LRRC4C: variants seen among roughly 807,000 people sequenced by gnomAD.
LRRC4C encodes the protein leucine-rich repeat-containing protein 4C.
A neutral mutation model predicts 33.6 loss-of-function variants in LRRC4C; 5 were observed. The ratio of observed to expected loss-of-function variants is 0.15; its 90% CI spans 0.08 to 0.31. The LOEUF is 0.31. LRRC4C is among the 10% of genes least tolerant of loss of function. The pLI is 1.00. For missense variants in LRRC4C, 560 were observed against 796.7 expected, an observed-to-expected ratio of 0.70 and a Z score of 3.58; for synonymous variants, 329 against 302.0, an observed-to-expected ratio of 1.09 and a Z score of -0.93.
chr11:40,296,971 C>T (rs553442323), intron 4 of LRRC4C, among the ~76,000 whole-genome samples: 1 of 152,124 alleles, frequency 6.6e-6, no homozygotes, highest in Non-Finnish European at 1.5e-5. Context: ...TACGGACATG[C>T]AGATTTCTAC....
At chr11:40,252,706 T>C (rs1387799383) in intron 4 of LRRC4C, among the ~76,000 whole-genome samples, 3 of 152,168 alleles carry the variant, frequency 2.0e-5, no homozygotes, top group Non-Finnish European at 2.9e-5. Context: ...CTGACTTTTA[T>C]TATACAAAGT....
At chr11:40,642,862 A>T (rs975986899) in intron 3 of LRRC4C, among the ~76,000 whole-genome samples, 5 of 152,168 alleles carry the variant, frequency 3.3e-5, no homozygotes, top group African/African-American at 1.2e-4. Flanking sequence ...TATTATGTTA[A>T]CATTTTAGAC....
At chr11:41,355,706 A>G (rs1952137289) in intron 1 of LRRC4C, among the ~76,000 whole-genome samples, 1 of 152,068 alleles carries the variant, frequency 6.6e-6, no homozygotes, top group Non-Finnish European at 1.5e-5. Context: ...AATGTTTTCT[A>G]TTTAATTGAG....
chr11:40,913,780 AC>A (rs1956808643), intron 2 of LRRC4C, among the ~76,000 whole-genome samples: 1 of 152,192 alleles, frequency 6.6e-6, no homozygotes, highest in Non-Finnish European at 1.5e-5. Context: ...GAAAAGATCA[AC>A]AAAATTGGTA....
At chr11:40,725,568 G>A (rs1947250762) in intron 2 of LRRC4C, among the ~76,000 whole-genome samples, 1 of 151,382 alleles carries the variant, frequency 6.6e-6, no homozygotes, top group African/African-American at 2.4e-5. Flanking sequence ...TGAAGACAAG[G>A]TGGACTCCAG....
At chr11:41,240,467 A>C (rs1948204623) in intron 1 of LRRC4C, among the ~76,000 whole-genome samples, 1 of 152,200 alleles carries the variant, frequency 6.6e-6, no homozygotes, top group Non-Finnish European at 1.5e-5. Flanking sequence ...ATATTAAAGA[A>C]CAACCAAGAG....
At chr11:40,960,396 T>G (rs902594162) in intron 1 of LRRC4C, among the ~76,000 whole-genome samples, 1 of 151,762 alleles carries the variant, frequency 6.6e-6, no homozygotes. Flanking sequence ...GTAGTTTCTT[T>G]TAATTGTTTT....
intron 1 of LRRC4C, among the ~76,000 whole-genome samples, chr11:41,258,153 T>C (rs1267773813): frequency 2.0e-5 from 3 of 152,048 alleles, no homozygotes; most frequent in Non-Finnish European, 2.9e-5. Flanking sequence ...GTTTCTGTGA[T>C]GGCTTTAACC....
chr11:41,416,959 C>A (rs1954706196), intron 1 of LRRC4C, among the ~76,000 whole-genome samples: 1 of 151,870 alleles, frequency 6.6e-6, no homozygotes, highest in Admixed American at 6.6e-5. Context: ...ACACATTTCC[C>A]CAATGAAAAT....
chr11:40,338,697 A>T (rs1044125599), intron 3 of LRRC4C, among the ~76,000 whole-genome samples: 1 of 152,182 alleles, frequency 6.6e-6, no homozygotes, highest in Admixed American at 6.5e-5. Flanking sequence ...TAAAAATGAA[A>T]ATGACAGCAG....
At chr11:40,545,276 C>T (rs1267374211) in intron 3 of LRRC4C, among the ~76,000 whole-genome samples, 1 of 151,868 alleles carries the variant, frequency 6.6e-6, no homozygotes, top group African/African-American at 2.4e-5. Flanking sequence ...CATGTATTCA[C>T]TCAATAAATG....
At chr11:40,481,209 C>T (rs2138405384) in intron 3 of LRRC4C, among the ~76,000 whole-genome samples, 1 of 152,078 alleles carries the variant, frequency 6.6e-6, no homozygotes, top group South Asian at 2.1e-4. Context: ...TTTATAATTG[C>T]ACCAGTCAGG....
intron 6 of LRRC4C, among the ~76,000 whole-genome samples, chr11:40,121,137 C>T (rs1476886502): frequency 6.6e-6 from 1 of 152,086 alleles, no homozygotes; most frequent in Admixed American, 6.6e-5. Flanking sequence ...GTAAGGATTT[C>T]TTGATATAAT....
chr11:41,205,366 G>T (rs1946557015), intron 1 of LRRC4C, among the ~76,000 whole-genome samples: 2 of 152,160 alleles, frequency 1.3e-5, no homozygotes. Flanking sequence ...GGTAAGAATG[G>T]AAACTGTAAC....
intron 2 of LRRC4C, among the ~76,000 whole-genome samples, chr11:40,889,305 A>G (rs1416521781): frequency 2.6e-5 from 4 of 152,146 alleles, no homozygotes; most frequent in Non-Finnish European, 4.4e-5. Flanking sequence ...TTAAAGATTG[A>G]AAAACAGTAA....
At chr11:40,814,857 C>G (rs781014281) in intron 2 of LRRC4C, among the ~76,000 whole-genome samples, 5 of 152,076 alleles carry the variant, frequency 3.3e-5, no homozygotes, top group African/African-American at 4.8e-5. Context: ...ACCACTTCAA[C>G]CTGTACTTCA....
At chr11:41,394,620 G>T (rs1044373394) in intron 1 of LRRC4C, 2 of 151,982 alleles carry the variant, frequency 1.3e-5, no homozygotes, top group African/African-American at 4.8e-5. Flanking sequence ...TGTGAAGACT[G>T]CAGATAATAA....
At chr11:40,454,850 T>A (rs1952059657) in intron 3 of LRRC4C, among the ~76,000 whole-genome samples, 1 of 152,176 alleles carries the variant, frequency 6.6e-6, no homozygotes, top group Admixed American at 6.6e-5. Context: ...AAAACCTTTT[T>A]TTTTAAATCC....
chr11:41,324,657 G>C (rs1951055484), intron 1 of LRRC4C, among the ~76,000 whole-genome samples: 1 of 152,166 alleles, frequency 6.6e-6, no homozygotes, highest in African/African-American at 2.4e-5. Flanking sequence ...CTGGTGTTCT[G>C]TTGCAAGACC....
Sources: allele counts gnomAD v4.1 joint callset (sites outside exome capture counted in the v4.1 genomes callset), GRCh38; gene constraint gnomAD v4.1.1; transcripts MANE v1.5; gene names NCBI Gene and HGNC (gene_info 2026-07-23, HGNC 2026-07-21).